The following ATG12 variants were observed in gnomAD, a reference collection of about 807,000 sequenced individuals.
ATG12 encodes autophagy related 12.
Under a neutral mutation model 17.6 loss-of-function variants are expected in ATG12, and 19 were observed. That is an observed-to-expected ratio of 1.08 (90% confidence interval 0.75 to 1.58). The LOEUF (loss-of-function observed/expected upper bound fraction) is 1.58. Ranked by LOEUF, ATG12 falls within the 40% of genes most tolerant of loss-of-function variation. ATG12 has a pLI of 0.00. For missense variants in ATG12, 214 were observed against 162.0 expected (o/e 1.32, Z -1.74); for synonymous variants, 75 against 62.4 (o/e 1.20, Z -0.95).
chr5:115,830,578 CTG>C lies in ATG12; in HGVS notation c.*1224_*1225del, dbSNP rs1760830441. The C allele has an allele frequency of 6.6e-6, 1 of 152,056 alleles. No homozygotes were observed. Among genetic ancestry groups the C allele is most frequent in the African/African-American group, 2.4e-5 (1 of 41,390 alleles). The allele number at this position is 152,056 out of a possible 1,614,324, so 9.4% of individuals were successfully genotyped here. ...TTCTTTTTTGAGATGGGGTCTCACT[CTG>C]TTGCTCAGCAGGAATGCAGTGGTAC... On this transcript the variant is annotated 3_prime_UTR_variant, in exon 4 of 4. Coordinates refer to ENST00000509910, the MANE Select transcript of ATG12 (RefSeq NM_004707.4).
At chr5:115,841,138 C>G (rs867808189) in intron 1 of ATG12, 21 of 396,608 alleles carry the variant, frequency 5.3e-5, no homozygotes, top group Non-Finnish European at 9.1e-5. Flanking sequence ...CTGGCCAACT[C>G]AAAAAAATAC....
chr5:115,837,279 CAT>C (rs991609330), intron 2 of ATG12, among the ~76,000 whole-genome samples: 2 of 152,060 alleles, frequency 1.3e-5, no homozygotes, highest in African/African-American at 4.8e-5. Flanking sequence ...GTGGCACACT[CAT>C]GTAATTCTAG....
At chr5:115,837,092 G>A (rs914746664) in intron 2 of ATG12, among the ~76,000 whole-genome samples, 11 of 152,020 alleles carry the variant, frequency 7.2e-5, no homozygotes, top group African/African-American at 2.7e-4. Flanking sequence ...TTTATGCATG[G>A]GTATTCATGC....
chr5:115,832,571 C>CTTTTTTT (rs35310189), intron 3 of ATG12, 31 bp downstream of exon 3: 86 of 802,422 alleles, frequency 1.1e-4, no homozygotes, highest in African/African-American at 6.5e-4. Flanking sequence ...TAATTTCTTT[C>CTTTTTTT]TTTTTTTTTT....
chr5:115,839,766 A>C (rs542295285), intron 1 of ATG12, among the ~76,000 whole-genome samples: 7 of 152,358 alleles, frequency 4.6e-5, no homozygotes, highest in African/African-American at 1.7e-4. Flanking sequence ...TGAGGATACA[A>C]AACAGTTAAG....
intron 2 of ATG12, 79 bp downstream of exon 2, chr5:115,837,549 C>T (rs775435667): frequency 4.7e-5 from 69 of 1,465,176 alleles, no homozygotes; most frequent in Admixed American, 9.6e-5. Context: ...ATATGCATTT[C>T]TATAAACAAC....
In ATG12 at chr5:115,832,598, TTAC is replaced by T; in HGVS notation, c.363+1_363+3del. Reference sequence around the variant, plus strand: ...TTTTTTTTTTTTTTTTTTTTTTTTTTTACCTCATAGAGAGTTCCAACTTCTTGG... The same window carrying T: ...TTTTTTTTTTTTTTTTTTTTTTTTTTCTCATAGAGAGTTCCAACTTCTTGG... On this transcript the variant is annotated splice_donor_variant and splice_donor_region_variant and intron_variant, in intron 3 of 3. Coordinates refer to ENST00000509910, the MANE Select transcript of ATG12 (RefSeq NM_004707.4). LOFTEE classifies it high-confidence loss of function. 1 of 1,220,294 alleles carries T rather than the reference TTAC, an allele frequency of 8.2e-7. No individual in the cohort carries two copies. Among genetic ancestry groups the T allele is most frequent in the Non-Finnish European group, 1.1e-6 (1 of 898,492 alleles). 75.6% of individuals were successfully genotyped at this position (1,220,294 alleles called of 1,614,324 possible).
At chr5:115,832,886 T>C (rs1054813170) in intron 2 of ATG12, 9 of 406,186 alleles carry the variant, frequency 2.2e-5, no homozygotes, top group Non-Finnish European at 1.3e-5. Context: ...CCTAGAACAG[T>C]GGTTCCTAAC....
intron 1 of ATG12, chr5:115,840,978 T>C: frequency 1.1e-6 from 1 of 948,816 alleles, no homozygotes; most frequent in Non-Finnish European, 1.5e-6. Flanking sequence ...TTGGAAGGCA[T>C]GAATTCTAAT....
chr5:115,840,137 A>G (rs969373839), intron 1 of ATG12, among the ~76,000 whole-genome samples: 3 of 152,336 alleles, frequency 2.0e-5, no homozygotes, highest in Admixed American at 6.5e-5. Flanking sequence ...AAACCTGCGG[A>G]ATTCTTTTGA....
rs183286612 is a variant in ATG12, at chr5:115,839,649, A to G, written c.163+1741T>C. Among the ~76,000 whole-genome samples the G allele has an allele frequency of 1.1e-4, 16 of 152,318 alleles. No homozygotes were observed. The East Asian group carries it at 2.7e-3, about 26-fold the overall frequency. Reference sequence around the variant, plus strand: ...CTTGTAGTTCTGAACCCGGATACACATTAGAATCAACTAGGGAAACACTTA... The same window carrying G: ...CTTGTAGTTCTGAACCCGGATACACGTTAGAATCAACTAGGGAAACACTTA... On this transcript the variant is annotated intron_variant, in intron 1 of 3. Transcript: ENST00000509910.
rs187202563 is a variant in ATG12, at chr5:115,828,575, G to T, written c.*3229C>A. ...TTCAGTTGGTCTTTTCTTACCAATT[G>T]AAACAAATTCTTCATATACTTAAGA... On this transcript the variant is annotated 3_prime_UTR_variant, in exon 4 of 4. Transcript: ENST00000509910. 6.6e-6 allele frequency: 1 copy of T among 152,222 alleles called. No homozygotes were observed. Among genetic ancestry groups the T allele is most frequent in the East Asian group, 1.9e-4 (1 of 5,188 alleles). The allele number at this position is 152,222 out of a possible 1,614,324, so 9.4% of individuals were successfully genotyped here.
Position 115,831,972 on chromosome 5 carries a change from T to C in ATG12, c.364-109A>G, listed in dbSNP as rs530272536. ...TAAATATCCACACACGTATATTAAGTTACCTATGTTACAGGCTATCTCTTT... is the reference window on the plus strand; with the variant it reads ...TAAATATCCACACACGTATATTAAGCTACCTATGTTACAGGCTATCTCTTT... On this transcript the variant is annotated intron_variant, in intron 3 of 3. Coordinates refer to ENST00000509910, the MANE Select transcript of ATG12 (RefSeq NM_004707.4). 7.0e-5 allele frequency: 67 copies of C among 962,892 alleles called. No individual in the cohort carries two copies. The East Asian group carries it at 8.9e-4, about 13-fold the overall frequency. The allele number at this position is 962,892 out of a possible 1,614,324, so 59.6% of individuals were successfully genotyped here.
intron 2 of ATG12, chr5:115,834,496 G>A (rs1443602404): frequency 6.6e-6 from 1 of 152,162 alleles, no homozygotes; most frequent in Non-Finnish European, 1.5e-5. Context: ...AAGAACTTGG[G>A]CAGACAAAAT....
chr5:115,832,756 G>C (rs1333346453), intron 2 of ATG12, 92 bp from the exon 3 acceptor site: 1 of 1,232,786 alleles, frequency 8.1e-7, no homozygotes, highest in East Asian at 2.7e-5. Context: ...ATTTTGTATT[G>C]TTTTCACAAT....
At position 115,835,090 on chromosome 5, in the gene ATG12, C is replaced by A. The variant is rs556818602; in HGVS notation, c.301-2426G>T. 4.6e-5 allele frequency: 7 copies of A among 151,648 alleles called. No individual in the cohort carries two copies. In the East Asian group the frequency reaches 1.4e-3, roughly 29 times the overall value. 9.4% of individuals were successfully genotyped at this position (151,648 alleles called of 1,614,324 possible). A position where few individuals can be genotyped will look rare whatever the true frequency, so the allele number is the denominator to read the frequency against. On this transcript the variant is annotated intron_variant, in intron 2 of 3. Coordinates refer to ENST00000509910, the MANE Select transcript of ATG12 (RefSeq NM_004707.4). Reference sequence around the variant, plus strand: ...TAGTCTCCATTTCTGAAATAATTTTCTTTTATTTCTAATTCTTTTCCTGAG... The same window carrying A: ...TAGTCTCCATTTCTGAAATAATTTTATTTTATTTCTAATTCTTTTCCTGAG...
At chr5:115,833,665 G>A (rs929102201) in intron 2 of ATG12, 1 of 152,144 alleles carries the variant, frequency 6.6e-6, no homozygotes, top group Non-Finnish European at 1.5e-5. Context: ...CTCAATAGAC[G>A]TTATTGTTAA....
chr5:115,832,565 T>C (rs752705457), intron 3 of ATG12, 37 bp downstream of exon 3: 1 of 1,330,972 alleles, frequency 7.5e-7, no homozygotes, highest in Non-Finnish European at 9.6e-7. Flanking sequence ...AAGCAGTAAT[T>C]TCTTTCTTTT....
At position 115,828,517 on chromosome 5, in the gene ATG12, T is replaced by G. The variant is rs1561447197; in HGVS notation, c.*3287A>C. ...GTTTTGTTGGCCATTTGTATCTTTT[T>G]GTGAATCGAAATTTGGTATGTTTTG... is the stretch of plus-strand genomic sequence containing the variant. On this transcript the variant is annotated 3_prime_UTR_variant, in exon 4 of 4. Transcript: ENST00000509910. The G allele has an allele frequency of 6.6e-6, 1 of 152,204 alleles. No individual in the cohort carries two copies. Among genetic ancestry groups the G allele is most frequent in the African/African-American group, 2.4e-5 (1 of 41,458 alleles). 9.4% of individuals were successfully genotyped at this position (152,204 alleles called of 1,614,324 possible). A position where few individuals can be genotyped will look rare whatever the true frequency, so the allele number is the denominator to read the frequency against.
Sources: gnomAD v4.1 joint callset for allele counts (sites outside exome capture counted in the v4.1 genomes callset) on GRCh38, gnomAD v4.1.1 for gene constraint, MANE v1.5 for transcripts, NCBI Gene and HGNC (gene_info 2026-07-23, HGNC 2026-07-21) for gene names.